Variants in KIF1A observed in about 807,000 individuals in gnomAD.
KIF1A encodes the protein kinesin family member 1A.
KIF1A carries 46 observed loss-of-function variants against 227.3 expected under a neutral mutation model. The ratio of observed to expected loss-of-function variants is 0.20; its 90% confidence interval spans 0.16 to 0.26. KIF1A has a LOEUF of 0.26. Ranked by LOEUF, KIF1A falls within the 10% of genes least tolerant of loss-of-function variation. KIF1A has a pLI of 1.00. For synonymous variants in KIF1A, 1,022 were observed against 1,012.8 expected (o/e 1.01, Z -0.17); for missense variants, 1,683 against 2,485.9 (o/e 0.68, Z 6.87).
intron 29 of KIF1A, 124 bp from the exon 30 acceptor site, chr2:240,746,301 C>T (rs958247211): frequency 1.7e-6 from 2 of 1,167,846 alleles, no homozygotes; most frequent in African/African-American, 3.1e-5. Context: ...CCTCCATGAA[C>T]CCACGCACCA....
At position 240,714,005 on chromosome 2, in the gene KIF1A, G is replaced by A; in HGVS notation, c.*3359C>T. On this transcript the variant is annotated 3_prime_UTR_variant, in exon 49 of 49. Coordinates refer to ENST00000498729, the MANE Select transcript of KIF1A (RefSeq NM_001244008.2). ...GGACGGACTAACTACAGGAAGCACA[G>A]GCCCAGGGAGAAACGCAGGTCGCCA... 6.5e-6 allele frequency: 1 copy of A among 153,072 alleles called. No individual in the cohort carries two copies. The highest frequency in any genetic ancestry group is 1.5e-5 in the Non-Finnish European group (1 of 68,362). 9.5% of individuals were successfully genotyped at this position (153,072 alleles called of 1,614,324 possible). A position where few individuals can be genotyped will look rare whatever the true frequency, so the allele number is the denominator to read the frequency against.
upstream of KIF1A, among the ~76,000 whole-genome samples, chr2:240,820,508 C>T (rs868833102): frequency 1.9e-4 from 29 of 151,890 alleles, no homozygotes; most frequent in African/African-American, 7.0e-4. The surrounding 1 kb of genome is among the most constrained non-coding windows in gnomAD (Gnocchi z 6.2). Context: ...CCTGAGACCT[C>T]GCGGGGGAGG....
In KIF1A at chr2:240,769,882, C is replaced by T. The variant is rs186871399; in HGVS notation, c.1342-176G>A. On this transcript the variant is annotated intron_variant, in intron 15 of 48. Coordinates refer to ENST00000498729, the MANE Select transcript of KIF1A (RefSeq NM_001244008.2). Reference sequence around the variant, plus strand: ...AAAGCTCAGAGAATGTCTGTCTTTCCCTTAGACACACTCAGGAGAATGGAG... The same window carrying T: ...AAAGCTCAGAGAATGTCTGTCTTTCTCTTAGACACACTCAGGAGAATGGAG... 2.9e-3 allele frequency among the ~76,000 whole-genome samples: 444 copies of T among 152,300 alleles called. 1 individual carries two copies. The highest frequency in any genetic ancestry group is 5.5e-3 in the Admixed American group (84 of 15,298).
Position 240,723,528 on chromosome 2 carries a change from TC to T in KIF1A, c.4348del (p.Asp1450ThrfsTer34). The T allele has an allele frequency of 6.5e-7, 1 of 1,545,972 alleles. No individual in the cohort carries two copies. The highest frequency in any genetic ancestry group is 1.9e-5 in the Admixed American group (1 of 51,694). On this transcript the variant is annotated frameshift_variant, in exon 42 of 49. Coordinates refer to ENST00000498729, the MANE Select transcript of KIF1A (RefSeq NM_001244008.2). LOFTEE classifies it high-confidence loss of function. ...GMQRRRRRVL[D>X]TSVAYVRGEE... ...GCCCCGGACATAGGCCACAGATGTG[TC>T]CAGGACTCGTCGGCGCCGGCGCTGC...
intron 28 of KIF1A, among the ~76,000 whole-genome samples, chr2:240,750,123 C>T (rs889990364): frequency 1.3e-5 from 2 of 152,372 alleles, no homozygotes; most frequent in South Asian, 4.1e-4. Flanking sequence ...TGGCACTGGG[C>T]TCAGCCTGCA....
chr2:240,738,370 G>T lies in KIF1A; in HGVS notation c.3902-1202C>A, dbSNP rs552096165. Among the ~76,000 whole-genome samples the T allele has an allele frequency of 5.3e-5, 8 of 152,280 alleles. No individual in the cohort carries two copies. In the East Asian group the frequency reaches 1.5e-3, roughly 29 times the overall value. Reference sequence around the variant, plus strand: ...CACCCACTGCTCATGGACACCCGGGGTCTCTCCTCGACTTTCATCCCTTTC... The same window carrying T: ...CACCCACTGCTCATGGACACCCGGGTTCTCTCCTCGACTTTCATCCCTTTC... On this transcript the variant is annotated intron_variant, in intron 37 of 48. Coordinates refer to ENST00000498729, the MANE Select transcript of KIF1A (RefSeq NM_001244008.2).
In KIF1A at chr2:240,721,862, G is replaced by A. The variant is rs1240646245; in HGVS notation, c.4688C>T (p.Thr1563Ile). ...GCTGTGTGTGTACTCTCTGTTGAATGTGTGCGTGAGCAGGCGCAAGCACTG... is the reference window on the plus strand; with the variant it reads ...GCTGTGTGTGTACTCTCTGTTGAATATGTGCGTGAGCAGGCGCAAGCACTG... ...AVKCLRLLTHTFNREYTHSHV... is the reference protein window; with the variant it reads ...AVKCLRLLTHIFNREYTHSHV... Residue 1563 changes from threonine to isoleucine, a missense_variant, in exon 44 of 49, where the codon ACA becomes ATA. Physicochemically the swap from Thr to Ile is moderately conservative, Grantham distance 89 (BLOSUM62 -1). Coordinates refer to ENST00000498729, the MANE Select transcript of KIF1A (RefSeq NM_001244008.2). The A allele has an allele frequency of 6.2e-7, 1 of 1,607,064 alleles. No homozygotes were observed. Among genetic ancestry groups the A allele is most frequent in the Middle Eastern group, 1.7e-4 (1 of 6,060 alleles).
At chr2:240,728,886 A>T (rs922425700) in intron 38 of KIF1A, among the ~76,000 whole-genome samples, 2 of 152,212 alleles carry the variant, frequency 1.3e-5, no homozygotes, top group African/African-American at 2.4e-5. Flanking sequence ...TTTCCTTGTA[A>T]GTACCATGGG....
intron 34 of KIF1A, among the ~76,000 whole-genome samples, chr2:240,742,638 C>A: frequency 6.6e-6 from 1 of 152,072 alleles, no homozygotes; most frequent in Non-Finnish European, 1.5e-5. Context: ...CACCTCTCTG[C>A]GTTCAGCTGA....
chr2:240,785,187 C>G, intron 6 of KIF1A, 87 bp from the exon 7 acceptor site: 1 of 1,095,292 alleles, frequency 9.1e-7, no homozygotes, highest in East Asian at 2.4e-5. Flanking sequence ...TGAACCAGGT[C>G]ATCGGGGGGG....
Position 240,717,289 on chromosome 2 carries a change from C to G in KIF1A, c.*75G>C. ...GCTGTCTGGCAGGAGAGGGGCTGGG[C>G]GGCAGGTGACAGGACAGACGAGGAT... On this transcript the variant is annotated 3_prime_UTR_variant, in exon 49 of 49. Coordinates refer to ENST00000498729, the MANE Select transcript of KIF1A (RefSeq NM_001244008.2). The G allele has an allele frequency of 7.1e-7, 1 of 1,403,286 alleles. No individual in the cohort carries two copies. The highest frequency in any genetic ancestry group is 1.0e-6 in the Non-Finnish European group (1 of 1,000,986). 86.9% of individuals were successfully genotyped at this position (1,403,286 alleles called of 1,614,324 possible).
At position 240,788,748 on chromosome 2, in the gene KIF1A, G is replaced by T. The variant is rs1371042764; in HGVS notation, c.183+488C>A. Among the ~76,000 whole-genome samples the T allele has an allele frequency of 6.6e-6, 1 of 152,068 alleles. No homozygotes were observed. Among genetic ancestry groups the T allele is most frequent in the African/African-American group, 2.4e-5 (1 of 41,386 alleles). On this transcript the variant is annotated intron_variant, in intron 3 of 48. Coordinates refer to ENST00000498729, the MANE Select transcript of KIF1A (RefSeq NM_001244008.2). The surrounding 1 kb of genome is among the most constrained non-coding windows in gnomAD (Gnocchi z 6.6). The stretch of plus-strand genomic sequence containing the variant: ...GGGGAGCCCTGGGGCTGTTATGGGG[G>T]GCAGGTGCTCAGAGATATAGATATG...
At position 240,757,411 on chromosome 2, in the gene KIF1A, C is replaced by T; in HGVS notation, c.2766G>A (p.Glu922=). 6.5e-7 allele frequency: 1 copy of T among 1,529,632 alleles called. No homozygotes were observed. The allele number at this position is 1,529,632 out of a possible 1,614,324, so 94.8% of individuals were successfully genotyped here. A position where few individuals can be genotyped will look rare whatever the true frequency, so the allele number is the denominator to read the frequency against. The change falls in exon 27 of 49, where the codon GAG becomes GAA. Residue 922 remains glutamate, a synonymous_variant. Coordinates refer to ENST00000498729, the MANE Select transcript of KIF1A (RefSeq NM_001244008.2). The surrounding 1 kb of genome is among the most constrained non-coding windows in gnomAD (Gnocchi z 6.2). ...EEEEEEDEEE[E]DLEDDVFPEH... Reference sequence around the variant, plus strand: ...CCGGAAAGACGTCGTCCTCCAGGTCCTCCTCCTCCTCATCCTCCTCCTCCT... The same window carrying T: ...CCGGAAAGACGTCGTCCTCCAGGTCTTCCTCCTCCTCATCCTCCTCCTCCT...
chr2:240,804,033 C>T (rs541148461), intron 1 of KIF1A, among the ~76,000 whole-genome samples: 11 of 152,224 alleles, frequency 7.2e-5, no homozygotes, highest in Admixed American at 2.6e-4. Context: ...TTTGGAAGGC[C>T]GAGGTGGGTG....
rs185028756 is a variant in KIF1A, at chr2:240,721,926, G to A, written c.4666-42C>T. On this transcript the variant is annotated intron_variant, in intron 43 of 48. Transcript: ENST00000498729. ...CGCGTGGTCAGGGGCCAGGCCTCCC[G>A]GGACCCTGCTCAGACAGCCTTGCAG... 1,150 of 1,515,666 alleles carry A rather than the reference G, an allele frequency of 7.6e-4. 12 individuals are homozygous for A. In the African/African-American group the frequency reaches 0.013, roughly 17 times the overall value. The allele number at this position is 1,515,666 out of a possible 1,614,324, so 93.9% of individuals were successfully genotyped here.
chr2:240,717,036 CGT>C lies in KIF1A; in HGVS notation c.*326_*327del, dbSNP rs1339913365. 1 of 337,364 alleles carries C rather than the reference CGT, an allele frequency of 3.0e-6. No individual in the cohort carries two copies. The highest frequency in any genetic ancestry group is 2.1e-5 in the African/African-American group (1 of 47,944). The allele number at this position is 337,364 out of a possible 1,614,324, so 20.9% of individuals were successfully genotyped here. The stretch of plus-strand genomic sequence containing the variant: ...TGACTGTTTCAATGTCACTAACTAA[CGT>C]ATATTAATTATAAGTCTGTCTATGC... On this transcript the variant is annotated 3_prime_UTR_variant, in exon 49 of 49. Coordinates refer to ENST00000498729, the MANE Select transcript of KIF1A (RefSeq NM_001244008.2).
At chr2:240,786,741 T>TGAGTGAGAGGGTAG (rs2054886703) in intron 5 of KIF1A, among the ~76,000 whole-genome samples, 6 of 20,964 alleles carry the variant, frequency 2.9e-4, no homozygotes, top group Non-Finnish European at 6.5e-4. Context: ...GGCTGCCTGC[T>TGAGTGAGAGGGTAG]GGGCCCCTGA....
Position 240,766,109 on chromosome 2 carries a change from C to T in KIF1A, c.1685-316G>A, listed in dbSNP as rs1307352983. Among the ~76,000 whole-genome samples the T allele has an allele frequency of 2.0e-5, 3 of 152,256 alleles. No homozygotes were observed. The highest frequency in any genetic ancestry group is 2.0e-4 in the Admixed American group (3 of 15,288). The stretch of plus-strand genomic sequence containing the variant: ...AGGTGGACAAGGATAAAAACACCAG[C>T]TAATGGGGCCTGGGCCGTCCCACAG... On this transcript the variant is annotated intron_variant, in intron 19 of 48. Transcript: ENST00000498729. This position sits in a 1 kb window ranked among gnomAD's most constrained non-coding sequence, Gnocchi z 5.0.
Position 240,769,573 on chromosome 2 carries a change from C to G in KIF1A, c.1421+54G>C, listed in dbSNP as rs2051667960. Reference sequence around the variant, plus strand: ...GCTCAGTGCTCATCCTGCCCAGGCTCCGGGCTTGCTGGCTGCACCCCTCCC... The same window carrying G: ...GCTCAGTGCTCATCCTGCCCAGGCTGCGGGCTTGCTGGCTGCACCCCTCCC... On this transcript the variant is annotated intron_variant, in intron 16 of 48. Coordinates refer to ENST00000498729, the MANE Select transcript of KIF1A (RefSeq NM_001244008.2). 11 of 1,473,738 alleles carry G rather than the reference C, an allele frequency of 7.5e-6. No homozygotes were observed. The East Asian group carries it at 1.4e-4, about 18-fold the overall frequency. The allele number at this position is 1,473,738 out of a possible 1,614,324, so 91.3% of individuals were successfully genotyped here. A position where few individuals can be genotyped will look rare whatever the true frequency, so the allele number is the denominator to read the frequency against.
Sources: allele counts gnomAD v4.1 joint callset (sites outside exome capture counted in the v4.1 genomes callset), GRCh38; gene constraint gnomAD v4.1.1; non-coding constraint Gnocchi (gnomAD v3.1); transcripts MANE v1.5; gene names NCBI Gene and HGNC (gene_info 2026-07-23, HGNC 2026-07-21).